Variants in OR1J2 observed in about 807,000 individuals in gnomAD.
OR1J2 encodes the protein olfactory receptor 1J2.
For missense variants in OR1J2, 304 were observed against 246.1 expected, an observed-to-expected ratio of 1.24 and a Z score of -1.57; for synonymous variants, 142 against 99.7, an observed-to-expected ratio of 1.42 and a Z score of -2.52.
chr9:122,574,528 T>C, the OR1J2 span, among the ~76,000 whole-genome samples: 1 of 152,166 alleles, frequency 6.6e-6, no homozygotes, highest in Non-Finnish European at 1.5e-5. Context: ...ATGGCTTTTG[T>C]ATATTAATCC....
the OR1J2 span, among the ~76,000 whole-genome samples, chr9:122,548,670 T>C: frequency 1.3e-5 from 2 of 151,782 alleles, no homozygotes; most frequent in African/African-American, 2.4e-5. Context: ...TGTATGCATG[T>C]CCCATGTTGG....
At chr9:122,497,804 C>G in the OR1J2 span, among the ~76,000 whole-genome samples, 290 of 152,196 alleles carry the variant, frequency 1.9e-3, 2 homozygotes, top group Middle Eastern at 3.4e-3. Context: ...AGGCATTTAG[C>G]GCTATAAACT....
chr9:122,578,454 A>G, the OR1J2 span: 1 of 151,874 alleles, frequency 6.6e-6, no homozygotes, highest in African/African-American at 2.4e-5. Context: ...ATCTCAAAAA[A>G]AAAAAAAAAA....
chr9:122,484,513 A>G, the OR1J2 span, among the ~76,000 whole-genome samples: 1 of 152,120 alleles, frequency 6.6e-6, no homozygotes, highest in Non-Finnish European at 1.5e-5. Context: ...CTACACAGCC[A>G]ATGGGCAGAT....
chr9:122,513,621 A>G (rs1828665835), downstream of OR1J2, among the ~76,000 whole-genome samples: 1 of 151,822 alleles, frequency 6.6e-6, no homozygotes, highest in African/African-American at 2.4e-5. Context: ...GGTTTGCTGC[A>G]TGTATCAACC....
chr9:122,542,057 T>C, the OR1J2 span, among the ~76,000 whole-genome samples: 1 of 152,338 alleles, frequency 6.6e-6, no homozygotes, highest in South Asian at 2.1e-4. Flanking sequence ...TTGTCTGTTT[T>C]TGAAGTTCAG....
chr9:122,573,165 G>A, the OR1J2 span, among the ~76,000 whole-genome samples: 1 of 152,278 alleles, frequency 6.6e-6, no homozygotes, highest in Non-Finnish European at 1.5e-5. Context: ...GGCTGATATA[G>A]CTGTGGTGTG....
chr9:122,448,073 A>C, the OR1J2 span, among the ~76,000 whole-genome samples: 1 of 152,158 alleles, frequency 6.6e-6, no homozygotes, highest in East Asian at 1.9e-4. Context: ...GAGGACTTGC[A>C]CTGGCACCGG....
the OR1J2 span, among the ~76,000 whole-genome samples, chr9:122,450,826 C>T: frequency 6.6e-6 from 1 of 152,148 alleles, no homozygotes; most frequent in African/African-American, 2.4e-5. Context: ...TTAGATTTCA[C>T]ATATAAGTGA....
chr9:122,489,699 T>C, the OR1J2 span, among the ~76,000 whole-genome samples: 4 of 152,210 alleles, frequency 2.6e-5, no homozygotes, highest in Non-Finnish European at 5.9e-5. Context: ...ACACAACCTG[T>C]TCCCGGACTT....
At chr9:122,455,551 G>A in the OR1J2 span, among the ~76,000 whole-genome samples, 52 of 151,842 alleles carry the variant, frequency 3.4e-4, no homozygotes, top group African/African-American at 8.5e-4. Flanking sequence ...TTTTCCCTTC[G>A]TCTTTTGTTG....
chr9:122,455,425 G>A, the OR1J2 span, among the ~76,000 whole-genome samples: 4 of 152,248 alleles, frequency 2.6e-5, no homozygotes, highest in Admixed American at 6.5e-5. Flanking sequence ...TATTGTCATT[G>A]TGTCTTGCAT....
the OR1J2 span, among the ~76,000 whole-genome samples, chr9:122,572,278 A>G: frequency 2.0e-5 from 3 of 152,346 alleles, no homozygotes; most frequent in African/African-American, 7.2e-5. Flanking sequence ...TCCAAACCAT[A>G]TCAAATAGCA....
At chr9:122,502,559 C>T in the OR1J2 span, among the ~76,000 whole-genome samples, 1 of 152,166 alleles carries the variant, frequency 6.6e-6, no homozygotes, top group Non-Finnish European at 1.5e-5. Context: ...CATGAAAACA[C>T]CAAAAAGTGT....
At chr9:122,449,856 G>A in the OR1J2 span, among the ~76,000 whole-genome samples, 2 of 152,072 alleles carry the variant, frequency 1.3e-5, no homozygotes, top group Non-Finnish European at 2.9e-5. Flanking sequence ...ACTGTTGCGT[G>A]AAATAAAACT....
chr9:122,510,785 T>C, upstream of OR1J2: 1 of 1,363,764 alleles, frequency 7.3e-7, no homozygotes, highest in Non-Finnish European at 1.0e-6. Flanking sequence ...TTCATCTCCA[T>C]CAGAGGGCAA....
At chr9:122,471,579 T>C in the OR1J2 span, among the ~76,000 whole-genome samples, 305 of 152,332 alleles carry the variant, frequency 2.0e-3, 2 homozygotes, top group East Asian at 0.051. Context: ...AGAATGACCC[T>C]TATGCGTAAG....
the OR1J2 span, among the ~76,000 whole-genome samples, chr9:122,532,801 G>A: frequency 2.0e-5 from 3 of 152,084 alleles, no homozygotes; most frequent in East Asian, 3.9e-4. Context: ...GTGCGGTCCC[G>A]GCTCTTTTGT....
chr9:122,568,375 C>A, the OR1J2 span: 237 of 1,613,732 alleles, frequency 1.5e-4, no homozygotes, highest in South Asian at 1.3e-3. Flanking sequence ...ACCAGGTACA[C>A]GATGAGGAAG....
Sources: gnomAD v4.1 joint callset for allele counts (sites outside exome capture counted in the v4.1 genomes callset) on GRCh38, gnomAD v4.1.1 for gene constraint, MANE v1.5 for transcripts, NCBI Gene and HGNC (gene_info 2026-07-23, HGNC 2026-07-21) for gene names.